Variants in TCIRG1 observed in about 807,000 individuals in gnomAD.
TCIRG1 encodes the protein V-type proton ATPase 116 kDa subunit a 3.
In TCIRG1, 86 loss-of-function variants were observed where a neutral mutation model predicts 95.5. The ratio of observed to expected loss-of-function variants is 0.90; its 90% CI spans 0.76 to 1.08. The LOEUF is 1.08. Ranked by LOEUF, TCIRG1 falls within the 50% of genes least tolerant of loss-of-function variation. The pLI is 0.00. For synonymous variants in TCIRG1, 499 were observed against 501.3 expected (o/e 1.00, Z 0.06); for missense variants, 1,069 against 1,140.2 (o/e 0.94, Z 0.90).
At position 68,044,946 on chromosome 11, in the gene TCIRG1, C is replaced by T; in HGVS notation, c.1021-12C>T. ...CGCCACCGTTCTGGTCTGTCTCTGC[C>T]CTGGCACCCAGATGGAGGAGGGAGT... On this transcript the variant is annotated splice_polypyrimidine_tract_variant and intron_variant, in intron 9 of 19. Transcript: ENST00000265686. 2 of 1,606,614 alleles carry T rather than the reference C, an allele frequency of 1.2e-6. No individual in the cohort carries two copies.
chr11:68,050,333 C>T (rs1192682520), intron 18 of TCIRG1, 79 bp downstream of exon 18: 1 of 1,598,476 alleles, frequency 6.3e-7, no homozygotes, highest in Non-Finnish European at 8.5e-7. Flanking sequence ...GGTTGCTTCT[C>T]TCTGGGCCTC....
At chr11:68,044,935 T>A (rs560771556) in intron 9 of TCIRG1, 23 bp from the exon 10 acceptor site, 1 of 1,605,392 alleles carries the variant, frequency 6.2e-7, no homozygotes, top group East Asian at 2.2e-5. Flanking sequence ...ACCGTTCTGG[T>A]CTGTCTCTGC....
chr11:68,041,804 C>G lies in TCIRG1; in HGVS notation c.169C>G (p.Arg57Gly). The G allele has an allele frequency of 6.2e-7, 1 of 1,609,820 alleles. No individual in the cohort carries two copies. Among genetic ancestry groups the G allele is most frequent in the East Asian group, 2.2e-5 (1 of 44,732 alleles). Residue 57 changes from arginine (R) to glycine (G), a missense_variant, in exon 3 of 20, where the codon CGC becomes GGC. Physicochemically the swap from Arg to Gly is moderately radical, Grantham distance 125 (BLOSUM62 -2). Transcript: ENST00000265686. The part of the protein sequence containing the change: ...FQRRFVVDVR[R>G]CEELEKTFTF... ...GAGACGCTTTGTGGTTGATGTTCGG[C>G]GCTGTGAGGAGCTGGAGAAGACCTT...
intron 2 of TCIRG1, 124 bp from the exon 3 acceptor site, chr11:68,041,629 A>G (rs1855172302): frequency 3.6e-6 from 3 of 840,132 alleles, no homozygotes; most frequent in Non-Finnish European, 3.9e-6. Flanking sequence ...TGTGGCTCCC[A>G]GGGCACTCCA....
Position 68,041,828 on chromosome 11 carries a change from T to C in TCIRG1, c.193T>C (p.Phe65Leu), listed in dbSNP as rs1230929903. The C allele has an allele frequency of 6.2e-7, 1 of 1,606,016 alleles. No homozygotes were observed. Among genetic ancestry groups the C allele is most frequent in the East Asian group, 2.2e-5 (1 of 44,610 alleles). Residue 65 changes from phenylalanine (F) to leucine (L), a missense_variant, in exon 3 of 20, where the codon TTC becomes CTC. Physicochemically the swap from Phe to Leu is conservative, Grantham distance 22. Transcript: ENST00000265686. ...VRRCEELEKTFTFLQEEVRRA... is the reference protein window; with the variant it reads ...VRRCEELEKTLTFLQEEVRRA... ...GCGCTGTGAGGAGCTGGAGAAGACC[T>C]TCAGTGAGTTGGTCCCAGGCCTACA... is the stretch of plus-strand genomic sequence containing the variant.
chr11:68,043,165 C>G, intron 5 of TCIRG1, 134 bp downstream of exon 5: 1 of 1,520,870 alleles, frequency 6.6e-7, no homozygotes, highest in East Asian at 2.5e-5. Context: ...CCTTCAGGCC[C>G]GGAACTTCCC....
intron 2 of TCIRG1, 46 bp downstream of exon 2, chr11:68,041,434 A>G: frequency 7.1e-7 from 1 of 1,409,304 alleles, no homozygotes; most frequent in Non-Finnish European, 1.0e-6. Context: ...TGCCAAGGTT[A>G]GCCCGGAGGC....
chr11:68,044,343 C>G lies in TCIRG1; in HGVS notation c.1019C>G (p.Ser340Trp). The G allele has an allele frequency of 6.3e-7, 1 of 1,576,856 alleles. No individual in the cohort carries two copies. Among genetic ancestry groups the G allele is most frequent in the East Asian group, 2.3e-5 (1 of 43,402 alleles). ...CTGCAGGAGGCCCTGCGGGACAGCT[C>G]GGTGAGCAGCCTGAGGCCTCGCCCC... ...PALQEALRDS[S>W]MEEGVSAVAH... Residue 340 changes from serine (S) to tryptophan (W), a missense_variant and splice_region_variant, in exon 9 of 20, where the codon TCG becomes TGG. Transcript: ENST00000265686.
rs776436008 is a variant in TCIRG1, at chr11:68,045,051, C to T, written c.1114C>T (p.Gln372Ter). The T allele has an allele frequency of 6.2e-7, 1 of 1,605,924 alleles. No individual in the cohort carries two copies. Among genetic ancestry groups the T allele is most frequent in the East Asian group, 2.2e-5 (1 of 44,888 alleles). The change falls in exon 10 of 20, where the codon CAG (glutamine) becomes TAG (stop). Residue 372 changes from glutamine (Q) to a stop codon, truncating the protein, a stop_gained. Transcript: ENST00000265686. LOFTEE classifies it high-confidence loss of function. ...CACCAACCGCTTCACGGCCAGCTTC[C>T]AGGGCATCGTGGATGCCTACGGCGT... ...IRTNRFTASF[Q>*]GIVDAYGVGR...
chr11:68,047,799 C>T lies in TCIRG1; in HGVS notation c.1458C>T (p.Gly486=), dbSNP rs1316102225. The change falls in exon 12 of 20, where the codon GGC becomes GGT. Residue 486 remains glycine (G), a synonymous_variant. Coordinates refer to ENST00000265686, the MANE Select transcript of TCIRG1 (RefSeq NM_006019.4). ...TGGCCGCCATGGCCAACCAGTCTGG[C>T]TGGAGGTGAGGCCCGGGCCCCAGCC... ...WSVAAMANQS[G]WSDAFLAQHT... is the part of the protein sequence containing the mutation. The T allele has an allele frequency of 1.2e-6, 2 of 1,612,740 alleles. No homozygotes were observed. Among genetic ancestry groups the T allele is most frequent in the Admixed American group, 3.3e-5 (2 of 59,994 alleles).
At position 68,044,362 on chromosome 11, in the gene TCIRG1, T is replaced by C. The variant is rs1473265205; in HGVS notation, c.1020+18T>C. 1 of 1,536,212 alleles carries C rather than the reference T, an allele frequency of 6.5e-7. No individual in the cohort carries two copies. Among genetic ancestry groups the C allele is most frequent in the South Asian group, 1.2e-5 (1 of 84,360 alleles). ...ACAGCTCGGTGAGCAGCCTGAGGCC[T>C]CGCCCCCTCTCCGCCCGCCCCTCCT... On this transcript the variant is annotated intron_variant, in intron 9 of 19. Coordinates refer to ENST00000265686, the MANE Select transcript of TCIRG1 (RefSeq NM_006019.4).
chr11:68,044,114 C>T lies in TCIRG1; in HGVS notation c.808-18C>T, dbSNP rs1416576009. 1 of 1,544,978 alleles carries T rather than the reference C, an allele frequency of 6.5e-7. No individual in the cohort carries two copies. The highest frequency in any genetic ancestry group is 8.7e-7 in the Non-Finnish European group (1 of 1,145,758). On this transcript the variant is annotated intron_variant, in intron 8 of 19. Transcript: ENST00000265686. ...CACCTGCCTGCCCAGCCCCCGCTGA[C>T]TGCCCACTCTGGCGCAGGTCCTCGG...
chr11:68,041,522 C>T, intron 2 of TCIRG1, 134 bp downstream of exon 2: 1 of 768,456 alleles, frequency 1.3e-6, no homozygotes, highest in Non-Finnish European at 2.2e-6. Context: ...CTGCCATGGG[C>T]ACTGCTCATG....
At position 68,049,036 on chromosome 11, in the gene TCIRG1, G is replaced by A; in HGVS notation, c.1673+39G>A. The stretch of plus-strand genomic sequence containing the variant: ...CTGCCCGGGGGACGGGAGGCTGGCA[G>A]GCCAGAGTGGGCCCCAGTGAGCACA... On this transcript the variant is annotated intron_variant, in intron 14 of 19. Transcript: ENST00000265686. The A allele has an allele frequency of 1.9e-6, 3 of 1,612,882 alleles. No homozygotes were observed. The East Asian group carries it at 6.7e-5, about 36-fold the overall frequency.
At chr11:68,049,831 A>G in intron 16 of TCIRG1, 43 bp downstream of exon 16, 1 of 1,557,002 alleles carries the variant, frequency 6.4e-7, no homozygotes, top group Non-Finnish European at 8.6e-7. Context: ...TTGCGGGGAG[A>G]GGCCACTGTC....
chr11:68,042,655 A>T lies in TCIRG1; in HGVS notation c.209A>T (p.Glu70Val), dbSNP rs1304120625. ...ELEKTFTFLQ[E>V]EVRRAGLVLP... ...CCTCTGCGCCCAGCCTTCCTGCAGGAGGAGGTGCGGCGGGCTGGGCTGGTC... is the reference window on the plus strand; with the variant it reads ...CCTCTGCGCCCAGCCTTCCTGCAGGTGGAGGTGCGGCGGGCTGGGCTGGTC... Residue 70 changes from glutamate (E) to valine (V), a missense_variant, in exon 4 of 20, where the codon GAG becomes GTG. Coordinates refer to ENST00000265686, the MANE Select transcript of TCIRG1 (RefSeq NM_006019.4). 6.5e-7 allele frequency: 1 copy of T among 1,547,394 alleles called. No individual in the cohort carries two copies. Among genetic ancestry groups the T allele is most frequent in the South Asian group, 1.2e-5 (1 of 83,938 alleles).
chr11:68,049,664 AG>A lies in TCIRG1; in HGVS notation c.1891del (p.Val631TrpfsTer56), dbSNP rs1300297240. On this transcript the variant is annotated frameshift_variant and splice_region_variant, in exon 16 of 20. Coordinates refer to ENST00000265686, the MANE Select transcript of TCIRG1 (RefSeq NM_006019.4). LOFTEE classifies it high-confidence loss of function. ...PSNRLLYPRQ[E>X]VVQATLVVLA... ...TGACTCTCGCCCTCTCCCTGGCAGGAGGTGGTCCAGGCCACGCTGGTGGTCC... is the reference window on the plus strand; with the variant it reads ...TGACTCTCGCCCTCTCCCTGGCAGGAGTGGTCCAGGCCACGCTGGTGGTCC... 18 of 1,600,344 alleles carry A rather than the reference AG, an allele frequency of 1.1e-5. No individual in the cohort carries two copies. The highest frequency in any genetic ancestry group is 1.4e-5 in the Non-Finnish European group (17 of 1,179,088).
Position 68,050,756 on chromosome 11 carries a change from C to T in TCIRG1, c.2430C>T (p.Asn810=). 5.0e-6 allele frequency: 8 copies of T among 1,613,978 alleles called. No individual in the cohort carries two copies. Among genetic ancestry groups the T allele is most frequent in the Non-Finnish European group, 6.8e-6 (8 of 1,180,034 alleles). ...TCACCCCCAGGGTGGAATTCCAGAA[C>T]AAGTTCTACTCAGGCACGGGCTACA... The part of the protein sequence containing the change: ...ALRLHWVEFQ[N]KFYSGTGYKL... The change falls in exon 20 of 20, where the codon AAC becomes AAT. Residue 810 remains asparagine (N), a synonymous_variant. Coordinates refer to ENST00000265686, the MANE Select transcript of TCIRG1 (RefSeq NM_006019.4).
In TCIRG1 at chr11:68,041,807, T is replaced by C. The variant is rs1855184602; in HGVS notation, c.172T>C (p.Cys58Arg). The C allele has an allele frequency of 2.5e-6, 4 of 1,609,344 alleles. No individual in the cohort carries two copies. Among genetic ancestry groups the C allele is most frequent in the Non-Finnish European group, 3.4e-6 (4 of 1,177,960 alleles). Residue 58 changes from cysteine (C) to arginine (R), a missense_variant, in exon 3 of 20, where the codon TGT becomes CGT. Physicochemically the swap from Cys to Arg is radical, Grantham distance 180. Transcript: ENST00000265686. ...QRRFVVDVRR[C>R]EELEKTFTFL... is the part of the protein sequence containing the mutation. Reference sequence around the variant, plus strand: ...ACGCTTTGTGGTTGATGTTCGGCGCTGTGAGGAGCTGGAGAAGACCTTCAG... The same window carrying C: ...ACGCTTTGTGGTTGATGTTCGGCGCCGTGAGGAGCTGGAGAAGACCTTCAG...
Sources: allele counts gnomAD v4.1 joint callset, GRCh38; gene constraint gnomAD v4.1.1; transcripts MANE v1.5; gene names NCBI Gene and HGNC (gene_info 2026-07-23, HGNC 2026-07-21).